SAMD5: variants seen among roughly 807,000 people sequenced by gnomAD.
SAMD5 encodes sterile alpha motif domain containing 5, also known as sterile alpha motif domain-containing protein 5.
In SAMD5, 13 loss-of-function variants were observed where a neutral mutation model predicts 11.3. The observed-to-expected ratio is 1.15, with a 90% CI of 0.75 to 1.83. The LOEUF is 1.83. Among genes scored for constraint, SAMD5 ranks in the 40% most tolerant of loss-of-function variants. The pLI is 0.00. For synonymous variants in SAMD5, 129 were observed against 111.3 expected (o/e 1.16, Z -1.00); for missense variants, 255 against 239.1 (o/e 1.07, Z -0.44).
At chr6:147,920,928 C>G in the SAMD5 span, among the ~76,000 whole-genome samples, 1 of 152,222 alleles carries the variant, frequency 6.6e-6, no homozygotes, top group African/African-American at 2.4e-5. Flanking sequence ...ATGATATCCA[C>G]TGTGTTTTCA....
chr6:147,850,975 C>G, the SAMD5 span, among the ~76,000 whole-genome samples: 13 of 140,118 alleles, frequency 9.3e-5, no homozygotes, highest in East Asian at 2.8e-3. Context: ...GAGACAGAGT[C>G]TCTCCCTGTT....
the SAMD5 span, among the ~76,000 whole-genome samples, chr6:147,888,430 G>A: frequency 6.6e-6 from 1 of 152,136 alleles, no homozygotes; most frequent in South Asian, 2.1e-4. Flanking sequence ...GAAAAGGGCT[G>A]CATTTGCCAT....
chr6:147,719,835 T>A (rs1791521920), intron 1 of SAMD5, among the ~76,000 whole-genome samples: 1 of 152,196 alleles, frequency 6.6e-6, no homozygotes, highest in Non-Finnish European at 1.5e-5. Flanking sequence ...TTCTAATCCT[T>A]CATATAACTA....
At chr6:147,522,220 G>A (rs1788265856) in intron 1 of SAMD5, among the ~76,000 whole-genome samples, 1 of 151,926 alleles carries the variant, frequency 6.6e-6, no homozygotes, top group African/African-American at 2.4e-5. Flanking sequence ...AATTTATATA[G>A]CCATGTTAAA....
downstream of SAMD5, chr6:147,741,944 G>A (rs550075803): frequency 1.3e-5 from 2 of 152,184 alleles, no homozygotes; most frequent in East Asian, 3.9e-4. Context: ...TCCCACCCAC[G>A]TCTATTTCCC....
chr6:147,732,459 T>C (rs1455489528), intron 1 of SAMD5, among the ~76,000 whole-genome samples: 1 of 152,178 alleles, frequency 6.6e-6, no homozygotes, highest in Admixed American at 6.5e-5. Flanking sequence ...ATAGGAGTTA[T>C]TGGTTTAATT....
the SAMD5 span, among the ~76,000 whole-genome samples, chr6:147,780,710 G>T: frequency 2.6e-5 from 4 of 152,034 alleles, no homozygotes; most frequent in African/African-American, 9.7e-5. Flanking sequence ...TGACATATTT[G>T]CTACCAAAAT....
At chr6:147,778,910 G>T in the SAMD5 span, among the ~76,000 whole-genome samples, 28 of 151,770 alleles carry the variant, frequency 1.8e-4, no homozygotes, top group African/African-American at 6.1e-4. Context: ...CTGCCCCTGA[G>T]GAAGCAATGA....
chr6:147,848,399 G>A, the SAMD5 span, among the ~76,000 whole-genome samples: 1 of 152,194 alleles, frequency 6.6e-6, no homozygotes, highest in Non-Finnish European at 1.5e-5. Flanking sequence ...GACAGTGATA[G>A]CGAATGTTTA....
intron 1 of SAMD5, among the ~76,000 whole-genome samples, chr6:147,726,759 G>A (rs1162861992): frequency 6.6e-6 from 1 of 152,200 alleles, no homozygotes; most frequent in Non-Finnish European, 1.5e-5. Flanking sequence ...AGCAGTACAT[G>A]TGACATAAAG....
At position 147,577,826 on chromosome 6, in the gene SAMD5, T is replaced by C. The variant is rs1002263422; in HGVS notation, c.162+68439T>C. 2.6e-5 allele frequency among the ~76,000 whole-genome samples: 4 copies of C among 152,250 alleles called. No individual in the cohort carries two copies. In the East Asian group the frequency reaches 7.7e-4, roughly 29 times the overall value. ...TTTATGTACTTTTGATGATAGAGTG[T>C]TTTTAAAAAGGCTGTAGCAACTGAA... On this transcript the variant is annotated intron_variant, in intron 1 of 1. Coordinates refer to the SAMD5 transcript ENST00000566741.
intron 1 of SAMD5, among the ~76,000 whole-genome samples, chr6:147,538,001 GTTTT>G (rs1305906213): frequency 2.0e-5 from 3 of 152,102 alleles, no homozygotes; most frequent in Non-Finnish European, 2.9e-5. Flanking sequence ...GTTAAGGCTA[GTTTT>G]TTAAATACAA....
chr6:147,810,693 G>A, the SAMD5 span, among the ~76,000 whole-genome samples: 2 of 152,308 alleles, frequency 1.3e-5, no homozygotes, highest in South Asian at 2.1e-4. Flanking sequence ...TTTCGGTAGC[G>A]CTGGCAACAG....
chr6:147,794,082 G>A, the SAMD5 span, among the ~76,000 whole-genome samples: 1 of 152,062 alleles, frequency 6.6e-6, no homozygotes, highest in Non-Finnish European at 1.5e-5. Flanking sequence ...TTGAGCAATT[G>A]CAACACCAGT....
chr6:147,775,215 T>C, the SAMD5 span, among the ~76,000 whole-genome samples: 1 of 138,670 alleles, frequency 7.2e-6, no homozygotes, highest in South Asian at 2.3e-4. Context: ...TGGAGTCAGA[T>C]GATGTGGGTT....
chr6:147,762,670 C>A, the SAMD5 span, among the ~76,000 whole-genome samples: 36 of 152,292 alleles, frequency 2.4e-4, no homozygotes, highest in African/African-American at 8.2e-4. Context: ...TACATGATAT[C>A]CCTGAGCCTC....
At chr6:147,664,255 T>TA (rs1189893652) in intron 1 of SAMD5, among the ~76,000 whole-genome samples, 3 of 152,140 alleles carry the variant, frequency 2.0e-5, no homozygotes, top group Non-Finnish European at 2.9e-5. Flanking sequence ...TTTCAGAGAC[T>TA]AAAAAATCTG....
downstream of SAMD5, chr6:147,741,401 G>A (rs1791877690): frequency 6.6e-6 from 1 of 152,144 alleles, no homozygotes; most frequent in South Asian, 2.1e-4. Context: ...TGTTTGCCGA[G>A]GGTCTAGGGG....
At position 147,702,716 on chromosome 6, in the gene SAMD5, C is replaced by T. The variant is rs139051887; in HGVS notation, c.163-34601C>T. Among the ~76,000 whole-genome samples, 700 of 152,192 alleles carry T rather than the reference C, an allele frequency of 4.6e-3. 2 individuals are homozygous for T. Among genetic ancestry groups the T allele is most frequent in the African/African-American group, 0.016 (666 of 41,516 alleles). On this transcript the variant is annotated intron_variant, in intron 1 of 1. Transcript: ENST00000566741. ...CTTGCTGTGAATTTTACTGAGTGCT[C>T]CTAATACTGTTCCATTAAGTGGCCT...
Sources: gnomAD v4.1 joint callset for allele counts (sites outside exome capture counted in the v4.1 genomes callset) on GRCh38, gnomAD v4.1.1 for gene constraint, MANE v1.5 for transcripts, NCBI Gene and HGNC (gene_info 2026-07-23, HGNC 2026-07-21) for gene names.